The following ARHGEF15 variants were observed in gnomAD, a reference collection of about 807,000 sequenced individuals.
ARHGEF15 encodes Rho guanine nucleotide exchange factor 15.
A neutral mutation model predicts 79.7 loss-of-function variants in ARHGEF15; 58 were observed. That is an observed-to-expected ratio of 0.73 (90% CI 0.59 to 0.91). The LOEUF (loss-of-function observed/expected upper bound fraction) is 0.91. Ranked by LOEUF, ARHGEF15 falls within the 40% of genes least tolerant of loss-of-function variation. ARHGEF15 has a pLI of 0.00. For synonymous variants in ARHGEF15, 442 were observed against 456.0 expected, an observed-to-expected ratio of 0.97 and a Z score of 0.39; for missense variants, 1,012 against 1,108.1, an observed-to-expected ratio of 0.91 and a Z score of 1.23.
Position 8,315,252 on chromosome 17 carries a change from G to A in ARHGEF15, c.1235G>A (p.Ser412Asn). The A allele has an allele frequency of 6.2e-7, 1 of 1,613,282 alleles. No homozygotes were observed. Among genetic ancestry groups the A allele is most frequent in the Non-Finnish European group, 8.5e-7 (1 of 1,179,878 alleles). The change falls in exon 6 of 16, where the codon AGC (serine) becomes AAC (asparagine). Residue 412 changes from serine (S) to asparagine (N), a missense_variant. Coordinates refer to ENST00000361926, the MANE Select transcript of ARHGEF15 (RefSeq NM_173728.4). This position sits in a 1 kb window ranked among gnomAD's most constrained non-coding sequence, Gnocchi z 4.3. The part of the protein sequence containing the change: ...VQASGLLDTL[S>N]PQERRMQESL... ...GCCAGCGGTCTTCTGGATACCCTCA[G>A]CCCCCAGGAGAGGCGCATGCAGGAG...
At position 8,315,546 on chromosome 17, in the gene ARHGEF15, G is replaced by A. The variant is rs1904966005; in HGVS notation, c.1393G>A (p.Val465Met). 13 of 1,610,380 alleles carry A rather than the reference G, an allele frequency of 8.1e-6. No homozygotes were observed. The highest frequency in any genetic ancestry group is 1.3e-5 in the African/African-American group (1 of 74,912). ...TGATCACCACACACTCTTCTCCAAT[G>A]TGCAGCGAGTCCAGGGAGTCAGCGA... ...PRDHHTLFSN[V>M]QRVQGVSERF... is the part of the protein sequence containing the mutation. The change falls in exon 7 of 16, where the codon GTG becomes ATG. Residue 465 changes from valine (V) to methionine (M), a missense_variant. By Grantham distance (21) the Val-to-Met change is conservative. Around this residue, in one of 3 missense-constraint regions of ARHGEF15, gnomAD observed 818 missense variants for 882.5 expected, o/e 0.93. Coordinates refer to ENST00000361926, the MANE Select transcript of ARHGEF15 (RefSeq NM_173728.4). The surrounding 1 kb of genome is among the most constrained non-coding windows in gnomAD (Gnocchi z 4.3).
In ARHGEF15 at chr17:8,315,518, C is replaced by A. The variant is rs1007687701; in HGVS notation, c.1365C>A (p.Pro455=). ...LSQALRDTLT[P]RDHHTLFSNV... ...AGGCACTCCGGGACACGCTCACCCC[C>A]CGTGATCACCACACACTCTTCTCCA... Residue 455 remains proline (P), a synonymous_variant, in exon 7 of 16, where the codon CCC becomes CCA. Transcript: ENST00000361926. The surrounding 1 kb of genome is among the most constrained non-coding windows in gnomAD (Gnocchi z 4.3). 6.2e-7 allele frequency: 1 copy of A among 1,612,374 alleles called. No homozygotes were observed. The highest frequency in any genetic ancestry group is 1.3e-5 in the African/African-American group (1 of 75,020).
Position 8,318,342 on chromosome 17 carries a change from G to A in ARHGEF15, c.1705-45G>A. The stretch of plus-strand genomic sequence containing the variant: ...GAGCTGTGGCCCCTCTGAATCCCAG[G>A]GCCACAGAGCAGGGGGCCCAGTCAC... On this transcript the variant is annotated intron_variant, in intron 9 of 15. Coordinates refer to ENST00000361926, the MANE Select transcript of ARHGEF15 (RefSeq NM_173728.4). The surrounding 1 kb of genome is among the most constrained non-coding windows in gnomAD (Gnocchi z 5.0). 1 of 1,583,084 alleles carries A rather than the reference G, an allele frequency of 6.3e-7. No individual in the cohort carries two copies. Among genetic ancestry groups the A allele is most frequent in the Non-Finnish European group, 8.6e-7 (1 of 1,160,784 alleles).
chr17:8,311,928 G>A, intron 1 of ARHGEF15, 63 bp from the exon 2 acceptor site: 1 of 1,150,580 alleles, frequency 8.7e-7, no homozygotes. Context: ...GCCTTCCAGT[G>A]GCCCCAGTTT....
intron 3 of ARHGEF15, 62 bp downstream of exon 3, chr17:8,313,316 A>T (rs576604856): frequency 1.2e-5 from 19 of 1,551,806 alleles, no homozygotes; most frequent in South Asian, 2.4e-5. Context: ...GCAGGGGGGA[A>T]CTAAAGCCCA....
rs768325182 is a variant in ARHGEF15, at chr17:8,315,149, A to T, written c.1132A>T (p.Asn378Tyr). 2.9e-5 allele frequency: 47 copies of T among 1,613,812 alleles called. 1 individual carries two copies. The South Asian group carries it at 3.1e-4, about 11-fold the overall frequency. ...TGAGGATGGGAGTCCTTCTCCAGCA[A>T]ATGCTGGAGATGCACCCACCTTCCC... is the stretch of plus-strand genomic sequence containing the variant. ...VGEDGSPSPA[N>Y]AGDAPTFPRP... Residue 378 changes from asparagine (N) to tyrosine (Y), a missense_variant, in exon 6 of 16, where the codon AAT becomes TAT. Around this residue, in one of 3 missense-constraint regions of ARHGEF15, gnomAD observed 818 missense variants for 882.5 expected, o/e 0.93. Coordinates refer to ENST00000361926, the MANE Select transcript of ARHGEF15 (RefSeq NM_173728.4). This position sits in a 1 kb window ranked among gnomAD's most constrained non-coding sequence, Gnocchi z 4.3.
At position 8,318,940 on chromosome 17, in the gene ARHGEF15, C is replaced by A. The variant is rs779578965; in HGVS notation, c.2033+30C>A. 6.2e-7 allele frequency: 1 copy of A among 1,609,464 alleles called. No individual in the cohort carries two copies. The highest frequency in any genetic ancestry group is 1.7e-5 in the Admixed American group (1 of 59,772). On this transcript the variant is annotated intron_variant, in intron 12 of 15. Coordinates refer to ENST00000361926, the MANE Select transcript of ARHGEF15 (RefSeq NM_173728.4). The surrounding 1 kb of genome is among the most constrained non-coding windows in gnomAD (Gnocchi z 5.0). ...GTCCTAGGGAAGGAAGGAGCCCAGG[C>A]TGGAGTGGGCAGGAGGGGTCCAGCG...
At chr17:8,314,525 A>C (rs1904877279) in intron 4 of ARHGEF15, among the ~76,000 whole-genome samples, 1 of 152,046 alleles carries the variant, frequency 6.6e-6, no homozygotes, top group South Asian at 2.1e-4. Context: ...AAGGAGACTC[A>C]GAAATCTCTG....
rs1905341513 is a variant in ARHGEF15 at position 8,320,901 on chromosome 17, G to C, written c.2434G>C (p.Glu812Gln). 1 of 1,613,834 alleles carries C rather than the reference G, an allele frequency of 6.2e-7. No homozygotes were observed. The highest frequency in any genetic ancestry group is 1.1e-5 in the South Asian group (1 of 91,068). The change falls in exon 16 of 16, where the codon GAA (glutamate) becomes CAA (glutamine). Residue 812 changes from glutamate to glutamine, a missense_variant. Physicochemically the swap from Glu to Gln is conservative, Grantham distance 29 (BLOSUM62 2). Transcript: ENST00000361926. ...PAQLVCEVTGEHERRRHLRQN... is the reference protein window; with the variant it reads ...PAQLVCEVTGQHERRRHLRQN... ...CCAGCTGGTGTGTGAAGTCACAGGG[G>C]AACACGAAAGGAGGAGGCACCTTCG...
In ARHGEF15 at chr17:8,318,850, G is replaced by A. The variant is rs774959863; in HGVS notation, c.1973G>A (p.Arg658His). The A allele has an allele frequency of 1.5e-5, 24 of 1,613,354 alleles. No homozygotes were observed. Among genetic ancestry groups the A allele is most frequent in the East Asian group, 8.9e-5 (4 of 44,852 alleles). Reference protein sequence around the residue: ...RGGVLFASRPRFTPLCLLLFS... With the variant: ...RGGVLFASRPHFTPLCLLLFS... ...GGCGTGCTCTTTGCCTCGCGCCCCCGCTTCACCCCTCTTTGCCTGCTGCTC... is the reference window on the plus strand; with the variant it reads ...GGCGTGCTCTTTGCCTCGCGCCCCCACTTCACCCCTCTTTGCCTGCTGCTC... The change falls in exon 12 of 16, where the codon CGC becomes CAC. Residue 658 changes from arginine (R) to histidine (H), a missense_variant. This residue lies in a region of ARHGEF15 where 818 missense variants were observed against 882.5 expected (regional missense o/e 0.93). Coordinates refer to ENST00000361926, the MANE Select transcript of ARHGEF15 (RefSeq NM_173728.4). This position sits in a 1 kb window ranked among gnomAD's most constrained non-coding sequence, Gnocchi z 5.0.
At chr17:8,314,774 T>G in intron 4 of ARHGEF15, 132 bp from the exon 5 acceptor site, 2 of 893,584 alleles carry the variant, frequency 2.2e-6, no homozygotes, top group Non-Finnish European at 1.6e-6. Flanking sequence ...GCCTGAGGTT[T>G]GATTTGGGGA....
chr17:8,320,956 G>A lies in ARHGEF15; in HGVS notation c.2489G>A (p.Gly830Glu). The A allele has an allele frequency of 6.2e-7, 1 of 1,614,020 alleles. No homozygotes were observed. ...AACCAGAGGCTTCTCGAGGCTGTTG[G>A]ATCTTCTTCAGGCACCCCCAATGCC... ...RQNQRLLEAV[G>E]SSSGTPNAPP... The change falls in exon 16 of 16, where the codon GGA becomes GAA. Residue 830 changes from glycine (G) to glutamate (E), a missense_variant. Coordinates refer to ENST00000361926, the MANE Select transcript of ARHGEF15 (RefSeq NM_173728.4).
At position 8,312,123 on chromosome 17, in the gene ARHGEF15, C is replaced by T. The variant is rs147276613; in HGVS notation, c.84C>T (p.Ser28=). 1.3e-5 allele frequency: 20 copies of T among 1,578,574 alleles called. No individual in the cohort carries two copies. The highest frequency in any genetic ancestry group is 1.5e-5 in the Non-Finnish European group (17 of 1,160,728). The change falls in exon 2 of 16, where the codon TCC becomes TCT. Residue 28 remains serine (S), a synonymous_variant. Coordinates refer to ENST00000361926, the MANE Select transcript of ARHGEF15 (RefSeq NM_173728.4). ...TCCGCCCCCGCCCTCCTTCTCGTTC[C>T]AGGGCTGCCCAGTCCCCAGGGCCTC... The part of the protein sequence containing the change: ...RIIRPRPPSR[S]RAAQSPGPPH...
In ARHGEF15 at chr17:8,318,603, A is replaced by G; in HGVS notation, c.1813A>G (p.Met605Val). The G allele has an allele frequency of 1.2e-6, 2 of 1,613,904 alleles. No homozygotes were observed. The highest frequency in any genetic ancestry group is 1.7e-6 in the Non-Finnish European group (2 of 1,179,816). The change falls in exon 11 of 16, where the codon ATG (methionine) becomes GTG (valine). Residue 605 changes from methionine to valine, a missense_variant. By Grantham distance (21) the Met-to-Val change is conservative. Coordinates refer to ENST00000361926, the MANE Select transcript of ARHGEF15 (RefSeq NM_173728.4). The surrounding 1 kb of genome is among the most constrained non-coding windows in gnomAD (Gnocchi z 5.0). ...GCGTTGCAGCGCTGAGGTGGGGCGC[A>G]TGAAGCAGACTGAAGAGCTGATCCG... ...IERCSAEVGR[M>V]KQTEELIRLT...
intron 13 of ARHGEF15, 75 bp downstream of exon 13, chr17:8,319,234 C>T (rs1015313474): frequency 1.0e-5 from 16 of 1,605,744 alleles, no homozygotes; most frequent in Admixed American, 3.4e-5. Flanking sequence ...CTTCCCCAGT[C>T]TCTCTCTTCT....
chr17:8,319,325 C>T lies in ARHGEF15; in HGVS notation c.2200C>T (p.Arg734Cys), dbSNP rs1023521769. Residue 734 changes from arginine to cysteine, a missense_variant, in exon 14 of 16, where the codon CGC becomes TGC. Coordinates refer to ENST00000361926, the MANE Select transcript of ARHGEF15 (RefSeq NM_173728.4). Reference protein sequence around the residue: ...LQASSLSDMQRWLGAFPTPGP... With the variant: ...LQASSLSDMQCWLGAFPTPGP... ...TATCCCCACCAGATCAGACATGCAG[C>T]GCTGGCTGGGAGCCTTCCCAACCCC... The T allele has an allele frequency of 1.5e-5, 24 of 1,613,936 alleles. No individual in the cohort carries two copies. The highest frequency in any genetic ancestry group is 4.0e-5 in the African/African-American group (3 of 74,942).
In ARHGEF15 at chr17:8,318,825, G is replaced by T. The variant is rs753341289; in HGVS notation, c.1948G>T (p.Gly650Cys). 4 of 1,613,648 alleles carry T rather than the reference G, an allele frequency of 2.5e-6. No individual in the cohort carries two copies. Among genetic ancestry groups the T allele is most frequent in the Non-Finnish European group, 3.4e-6 (4 of 1,179,980 alleles). The change falls in exon 12 of 16, where the codon GGC (glycine) becomes TGC (cysteine). Residue 650 changes from glycine (G) to cysteine (C), a missense_variant. Physicochemically the swap from Gly to Cys is radical, Grantham distance 159. Around this residue, in one of 3 missense-constraint regions of ARHGEF15, gnomAD observed 818 missense variants for 882.5 expected, o/e 0.93. Transcript: ENST00000361926. This position sits in a 1 kb window ranked among gnomAD's most constrained non-coding sequence, Gnocchi z 5.0. ...ELTELGCRRG[G>C]VLFASRPRFT... Reference sequence around the variant, plus strand: ...GACTGAGTTAGGGTGCCGGAGGGGGGGCGTGCTCTTTGCCTCGCGCCCCCG... The same window carrying T: ...GACTGAGTTAGGGTGCCGGAGGGGGTGCGTGCTCTTTGCCTCGCGCCCCCG...
chr17:8,321,063 C>A lies in ARHGEF15; in HGVS notation c.*70C>A. ...TGGCACGGAGAGAACAAAGCCCATT[C>A]ATCCATTGGATTCACTGTCAGTGGA... On this transcript the variant is annotated 3_prime_UTR_variant, in exon 16 of 16. Transcript: ENST00000361926. 6.3e-7 allele frequency: 1 copy of A among 1,584,398 alleles called. No individual in the cohort carries two copies. Among genetic ancestry groups the A allele is most frequent in the East Asian group, 2.3e-5 (1 of 44,434 alleles).
At position 8,315,516 on chromosome 17, in the gene ARHGEF15, C is replaced by T. The variant is rs1389731774; in HGVS notation, c.1363C>T (p.Pro455Ser). The T allele has an allele frequency of 6.2e-7, 1 of 1,612,428 alleles. No homozygotes were observed. The highest frequency in any genetic ancestry group is 8.5e-7 in the Non-Finnish European group (1 of 1,180,026). Reference sequence around the variant, plus strand: ...CCAGGCACTCCGGGACACGCTCACCCCCCGTGATCACCACACACTCTTCTC... The same window carrying T: ...CCAGGCACTCCGGGACACGCTCACCTCCCGTGATCACCACACACTCTTCTC... ...LSQALRDTLTPRDHHTLFSNV... is the reference protein window; with the variant it reads ...LSQALRDTLTSRDHHTLFSNV... The change falls in exon 7 of 16, where the codon CCC becomes TCC. Residue 455 changes from proline (P) to serine (S), a missense_variant. Transcript: ENST00000361926. This position sits in a 1 kb window ranked among gnomAD's most constrained non-coding sequence, Gnocchi z 4.3.
Sources: gnomAD v4.1 joint callset for allele counts (sites outside exome capture counted in the v4.1 genomes callset) on GRCh38, gnomAD v4.1.1 for gene constraint, gnomAD v4.1.1 regional missense constraint, Gnocchi (gnomAD v3.1) non-coding constraint, MANE v1.5 for transcripts, NCBI Gene and HGNC (gene_info 2026-07-23, HGNC 2026-07-21) for gene names.